Variants in SORCS2 observed in about 807,000 individuals in gnomAD.
SORCS2 encodes the protein VPS10 domain-containing receptor SorCS2.
Under a neutral mutation model 141.6 loss-of-function variants are expected in SORCS2, and 100 were observed. The observed-to-expected ratio is 0.71, with a 90% CI of 0.60 to 0.83. The LOEUF (loss-of-function observed/expected upper bound fraction) is 0.83. Ranked by LOEUF, SORCS2 falls within the 40% of genes least tolerant of loss-of-function variation. The probability of loss-of-function intolerance (pLI) is 0.00; values close to 1 mark genes in which losing one functional copy is unlikely to be tolerated. For missense variants in SORCS2, 1,646 were observed against 1,560.2 expected, an observed-to-expected ratio of 1.05 and a Z score of -0.93; for synonymous variants, 789 against 676.9, an observed-to-expected ratio of 1.17 and a Z score of -2.57.
intron 2 of SORCS2, among the ~76,000 whole-genome samples, chr4:7,402,059 G>C (rs563328172): frequency 9.8e-5 from 15 of 152,312 alleles, no homozygotes; most frequent in African/African-American, 3.4e-4. Context: ...CGCATGATTA[G>C]TGTGGGCCAG....
intron 1 of SORCS2, among the ~76,000 whole-genome samples, chr4:7,230,490 G>A (rs1386025066): frequency 5.6e-5 from 8 of 142,960 alleles, no homozygotes; most frequent in Admixed American, 4.9e-4. Context: ...CAGGAGCAGT[G>A]TCATGTGCTC....
At position 7,264,218 on chromosome 4, in the gene SORCS2, A is replaced by T. The variant is rs6845989; in HGVS notation, c.480+71092A>T. ...CTGGGGGCAGGTTCTGGCAGATGTC[A>T]GTCATCAGAGGGCAGGTATTTCTCC... On this transcript the variant is annotated intron_variant, in intron 1 of 26. Coordinates refer to ENST00000507866, the MANE Select transcript of SORCS2 (RefSeq NM_020777.3). Among the ~76,000 whole-genome samples, 331 of 152,148 alleles carry T rather than the reference A, an allele frequency of 2.2e-3. 2 individuals carry two copies. Among genetic ancestry groups the T allele is most frequent in the African/African-American group, 7.7e-3 (319 of 41,498 alleles).
Position 7,718,434 on chromosome 4 carries a change from G to A in SORCS2, c.2424+251G>A, listed in dbSNP as rs1402654905. Among the ~76,000 whole-genome samples the A allele has an allele frequency of 3.9e-5, 6 of 152,212 alleles. No homozygotes were observed. In the South Asian group the frequency reaches 1.2e-3, roughly 32 times the overall value. On this transcript the variant is annotated intron_variant, in intron 18 of 26. Transcript: ENST00000507866. ...GGACGTAGGGGGTATTAGGGTCCCCGCAGAGCAGAAGGAGACGTGGTTTCA... is the reference window on the plus strand; with the variant it reads ...GGACGTAGGGGGTATTAGGGTCCCCACAGAGCAGAAGGAGACGTGGTTTCA...
intron 1 of SORCS2, among the ~76,000 whole-genome samples, chr4:7,249,912 C>T (rs1324405598): frequency 6.6e-6 from 1 of 152,138 alleles, no homozygotes; most frequent in Non-Finnish European, 1.5e-5. Flanking sequence ...GTGAGCATGC[C>T]CTCAGCAGGC....
At chr4:7,499,799 G>C (rs1042333700) in intron 2 of SORCS2, among the ~76,000 whole-genome samples, 3 of 152,144 alleles carry the variant, frequency 2.0e-5, no homozygotes, top group Admixed American at 2.0e-4. Flanking sequence ...GGCAAGGTTC[G>C]TGCTGTGGTG....
At chr4:7,298,785 C>T (rs550652649) in intron 1 of SORCS2, among the ~76,000 whole-genome samples, 2 of 152,344 alleles carry the variant, frequency 1.3e-5, no homozygotes, top group Non-Finnish European at 2.9e-5. Flanking sequence ...CCGGGCCTAG[C>T]TGTGCCCAGG....
intron 3 of SORCS2, among the ~76,000 whole-genome samples, chr4:7,578,937 G>T (rs1391036979): frequency 6.6e-6 from 1 of 152,204 alleles, no homozygotes; most frequent in Non-Finnish European, 1.5e-5. Flanking sequence ...GTCTGGCTGT[G>T]GGTGGATGTC....
intron 1 of SORCS2, among the ~76,000 whole-genome samples, chr4:7,209,027 G>GCC (rs1727906639): frequency 1.3e-5 from 2 of 152,210 alleles, no homozygotes; most frequent in African/African-American, 4.8e-5. Flanking sequence ...CATGGAGGGA[G>GCC]CCCCTCTGCT....
At chr4:7,311,473 GT>G (rs1718181505) in intron 1 of SORCS2, among the ~76,000 whole-genome samples, 1 of 152,134 alleles carries the variant, frequency 6.6e-6, no homozygotes, top group East Asian at 1.9e-4. Flanking sequence ...ATATGTTTAG[GT>G]TTTTCAAAGA....
At chr4:7,406,368 C>CTT (rs34345581) in intron 2 of SORCS2, among the ~76,000 whole-genome samples, 43,741 of 143,494 alleles carry the variant, frequency 0.3, 6,777 homozygotes, top group African/African-American at 0.35. Context: ...GGATCCTAGG[C>CTT]TTTTTTTTTT....
chr4:7,740,056 G>A lies in SORCS2; in HGVS notation c.3416-144G>A, dbSNP rs992250627. On this transcript the variant is annotated intron_variant, in intron 26 of 26. Coordinates refer to ENST00000507866, the MANE Select transcript of SORCS2 (RefSeq NM_020777.3). Reference sequence around the variant, plus strand: ...CACCTAGGAACCGCGGAGACCCCCTGCACCTGCACGGGCTGAAGGAAGCCA... The same window carrying A: ...CACCTAGGAACCGCGGAGACCCCCTACACCTGCACGGGCTGAAGGAAGCCA... The A allele has an allele frequency of 2.7e-5, 18 of 668,164 alleles. No individual in the cohort carries two copies. In the East Asian group the frequency reaches 4.4e-4, roughly 16 times the overall value. 41.4% of individuals were successfully genotyped at this position (668,164 alleles called of 1,614,324 possible). A position where few individuals can be genotyped will look rare whatever the true frequency, so the allele number is the denominator to read the frequency against.
rs78151356 is a variant in SORCS2 at position 7,473,977 on chromosome 4, G to A, written c.549-57553G>A. Among the ~76,000 whole-genome samples the A allele has an allele frequency of 2.5e-3, 388 of 152,274 alleles. 3 individuals carry two copies. The East Asian group carries it at 0.049, about 19-fold the overall frequency. The stretch of plus-strand genomic sequence containing the variant: ...TTACCCAGCTTTAAAAACTTCATCC[G>A]GTGTCCTCTGCTGCACCCATCTGAA... On this transcript the variant is annotated intron_variant, in intron 2 of 26. Transcript: ENST00000507866.
chr4:7,638,484 G>A lies in SORCS2; in HGVS notation c.805G>A (p.Glu269Lys), dbSNP rs1376304700. ...EEDKVLAYTKESKLYVSSDLG... is the reference protein window; with the variant it reads ...EEDKVLAYTKKSKLYVSSDLG... Reference sequence around the variant, plus strand: ...GGACAAGGTCCTCGCCTACACAAAGGAGAGCAAGGTAAGATATATGGGTGC... The same window carrying A: ...GGACAAGGTCCTCGCCTACACAAAGAAGAGCAAGGTAAGATATATGGGTGC... The change falls in exon 4 of 27, where the codon GAG becomes AAG. Residue 269 changes from glutamate (E) to lysine (K), a missense_variant. Glu to Lys is a moderately conservative substitution (Grantham distance 56, BLOSUM62 1). Coordinates refer to ENST00000507866, the MANE Select transcript of SORCS2 (RefSeq NM_020777.3). 1.2e-6 allele frequency: 2 copies of A among 1,610,896 alleles called. No homozygotes were observed. Among genetic ancestry groups the A allele is most frequent in the Non-Finnish European group, 1.7e-6 (2 of 1,178,864 alleles).
chr4:7,486,574 C>G (rs993416250), intron 2 of SORCS2, among the ~76,000 whole-genome samples: 1 of 152,208 alleles, frequency 6.6e-6, no homozygotes, highest in East Asian at 1.9e-4. Context: ...GGTAGCTTCC[C>G]GGGGCTGCCA....
rs1481708131 is a variant in SORCS2, at chr4:7,201,479, T to C, written c.480+8353T>C. 1.3e-5 allele frequency among the ~76,000 whole-genome samples: 2 copies of C among 152,354 alleles called. No individual in the cohort carries two copies. Among genetic ancestry groups the C allele is most frequent in the Middle Eastern group, 3.4e-3 (1 of 294 alleles). ...TCAGATGAGAAGGCAGCCCAGAGCT[T>C]GCGTGGGCCTCTCGGCGTAGCCGTT... On this transcript the variant is annotated intron_variant, in intron 1 of 26. Transcript: ENST00000507866. This position sits in a 1 kb window ranked among gnomAD's most constrained non-coding sequence, Gnocchi z 4.4.
intron 1 of SORCS2, among the ~76,000 whole-genome samples, chr4:7,361,172 A>T (rs1008684454): frequency 6.6e-6 from 1 of 152,210 alleles, no homozygotes; most frequent in Non-Finnish European, 1.5e-5. Context: ...CAAAATACAT[A>T]ATTTGGAGGT....
chr4:7,465,895 C>G (rs969875721), intron 2 of SORCS2, among the ~76,000 whole-genome samples: 1 of 152,206 alleles, frequency 6.6e-6, no homozygotes, highest in South Asian at 2.1e-4. Context: ...TCATCATTCC[C>G]GTTTTGCAGA....
intron 1 of SORCS2, among the ~76,000 whole-genome samples, chr4:7,245,891 G>C (rs568807030): frequency 6.6e-6 from 1 of 152,326 alleles, no homozygotes; most frequent in South Asian, 2.1e-4. Context: ...CAACTGACTT[G>C]TTCAGGGTTG....
At chr4:7,401,387 A>T (rs1211363164) in intron 2 of SORCS2, among the ~76,000 whole-genome samples, 2 of 152,112 alleles carry the variant, frequency 1.3e-5, no homozygotes, top group African/African-American at 4.8e-5. Flanking sequence ...GGAAGAAAGG[A>T]TGGATGGTGA....
Sources: gnomAD v4.1 joint callset for allele counts (sites outside exome capture counted in the v4.1 genomes callset) on GRCh38, gnomAD v4.1.1 for gene constraint, Gnocchi (gnomAD v3.1) non-coding constraint, MANE v1.5 for transcripts, NCBI Gene and HGNC (gene_info 2026-07-23, HGNC 2026-07-21) for gene names.